TBC1D8: variants seen among roughly 807,000 people sequenced by gnomAD.
TBC1D8 encodes the protein BUB2-like protein 1.
In TBC1D8, 65 loss-of-function variants were observed where a neutral mutation model predicts 118.8. The observed-to-expected ratio is 0.55, with a 90% CI of 0.45 to 0.67. The LOEUF is 0.67. Among genes scored for constraint, TBC1D8 ranks in the 30% least tolerant of loss-of-function variants. TBC1D8 has a pLI of 0.00. For synonymous variants in TBC1D8, 566 were observed against 595.8 expected, an observed-to-expected ratio of 0.95 and a Z score of 0.73; for missense variants, 1,376 against 1,471.2, an observed-to-expected ratio of 0.94 and a Z score of 1.06.
At position 101,035,869 on chromosome 2, in the gene TBC1D8, A is replaced by T. The variant is rs537735940; in HGVS notation, c.1603+149T>A. Reference sequence around the variant, plus strand: ...AGGTCCCACAGCTGACACAACAGGGAGTGGAAGTCCTCAGCTGGGAAATCA... The same window carrying T: ...AGGTCCCACAGCTGACACAACAGGGTGTGGAAGTCCTCAGCTGGGAAATCA... On this transcript the variant is annotated intron_variant, in intron 9 of 19. Coordinates refer to ENST00000409318, the MANE Select transcript of TBC1D8 (RefSeq NM_001330348.2). 2.4e-5 allele frequency: 23 copies of T among 944,538 alleles called. No individual in the cohort carries two copies. In the East Asian group the frequency reaches 5.8e-4, roughly 24 times the overall value. The allele number at this position is 944,538 out of a possible 1,614,324, so 58.5% of individuals were successfully genotyped here. A position where few individuals can be genotyped will look rare whatever the true frequency, so the allele number is the denominator to read the frequency against.
In TBC1D8 at chr2:101,091,837, G is replaced by A. The variant is rs147354460; in HGVS notation, c.128-1473C>T. Among the ~76,000 whole-genome samples, 10 of 152,340 alleles carry A rather than the reference G, an allele frequency of 6.6e-5. No individual in the cohort carries two copies. The East Asian group carries it at 1.3e-3, about 21-fold the overall frequency. The stretch of plus-strand genomic sequence containing the variant: ...ATATTACCCTTAACTAATAGGCCCT[G>A]AATAAGGGCCACAGCTGCCTGAGCA... On this transcript the variant is annotated intron_variant, in intron 1 of 19. Transcript: ENST00000409318.
chr2:101,015,217 AG>A (rs1679533314), intron 17 of TBC1D8, among the ~76,000 whole-genome samples: 2 of 152,310 alleles, frequency 1.3e-5, no homozygotes, highest in African/African-American at 4.8e-5. Context: ...AATGTAGAAA[AG>A]GTGCTATAAA....
chr2:101,059,080 G>A (rs907850291), intron 3 of TBC1D8, among the ~76,000 whole-genome samples: 1 of 151,600 alleles, frequency 6.6e-6, no homozygotes, highest in Non-Finnish European at 1.5e-5. Flanking sequence ...AATTTTTTTT[G>A]TATTTTTTAG....
chr2:101,039,164 G>C (rs1314417873), intron 6 of TBC1D8, among the ~76,000 whole-genome samples: 1 of 152,176 alleles, frequency 6.6e-6, no homozygotes, highest in Non-Finnish European at 1.5e-5. Flanking sequence ...ACAGCAATGT[G>C]AATGTACTTA....
intron 15 of TBC1D8, among the ~76,000 whole-genome samples, chr2:101,025,083 A>T (rs769022798): frequency 6.6e-6 from 1 of 152,162 alleles, no homozygotes; most frequent in Non-Finnish European, 1.5e-5. Context: ...AAGAAAAGTA[A>T]GTGTGTGTGT....
intron 1 of TBC1D8, among the ~76,000 whole-genome samples, chr2:101,095,525 AG>A (rs1676362832): frequency 6.7e-6 from 1 of 150,068 alleles, no homozygotes; most frequent in Non-Finnish European, 1.5e-5. Context: ...TCCTTGCGAT[AG>A]TTTGCTGAGA....
intron 1 of TBC1D8, among the ~76,000 whole-genome samples, chr2:101,132,475 C>T (rs1166113093): frequency 1.3e-5 from 2 of 152,206 alleles, no homozygotes; most frequent in Non-Finnish European, 2.9e-5. Context: ...ATTGAGCTAC[C>T]ATGTCTTTTC....
intron 2 of TBC1D8, among the ~76,000 whole-genome samples, chr2:101,077,234 A>T (rs1674897356): frequency 6.9e-6 from 1 of 144,908 alleles, no homozygotes; most frequent in South Asian, 2.2e-4. Flanking sequence ...TGTGTTAGCC[A>T]GGATGGTCTT....
At chr2:101,043,185 G>A (rs776806060) in intron 5 of TBC1D8, among the ~76,000 whole-genome samples, 7 of 152,166 alleles carry the variant, frequency 4.6e-5, no homozygotes, top group South Asian at 2.1e-4. Context: ...CTGATACAAC[G>A]TGGACTACTG....
At chr2:101,041,036 T>G (rs939048002) in intron 5 of TBC1D8, among the ~76,000 whole-genome samples, 2 of 152,200 alleles carry the variant, frequency 1.3e-5, no homozygotes, top group African/African-American at 2.4e-5. Context: ...TCAAAAAGTT[T>G]GATAACAAGT....
intron 5 of TBC1D8, among the ~76,000 whole-genome samples, chr2:101,046,591 C>T (rs762603449): frequency 1.3e-5 from 2 of 151,866 alleles, no homozygotes; most frequent in African/African-American, 2.4e-5. Flanking sequence ...GAGGAGGACT[C>T]GAGCTAGAAT....
intron 5 of TBC1D8, among the ~76,000 whole-genome samples, chr2:101,048,655 AC>A (rs749334476): frequency 2.0e-4 from 14 of 71,238 alleles, no homozygotes; most frequent in Non-Finnish European, 1.6e-4. Flanking sequence ...GCTGCCGTTC[AC>A]AGGCCATGAA....
Position 101,007,505 on chromosome 2 carries a change from G to C in TBC1D8, c.*316C>G. 3.2e-6 allele frequency: 1 copy of C among 313,150 alleles called. No homozygotes were observed. The highest frequency in any genetic ancestry group is 2.1e-5 in the African/African-American group (1 of 47,022). 19.4% of individuals were successfully genotyped at this position (313,150 alleles called of 1,614,324 possible). A position where few individuals can be genotyped will look rare whatever the true frequency, so the allele number is the denominator to read the frequency against. ...TGGGGCTTTTCTTGCTTCTTGGTTA[G>C]TATGAGACATTGTGTTCATCTGAGA... On this transcript the variant is annotated 3_prime_UTR_variant, in exon 20 of 20. Coordinates refer to ENST00000409318, the MANE Select transcript of TBC1D8 (RefSeq NM_001330348.2).
chr2:101,082,336 A>G (rs1479810246), intron 2 of TBC1D8, among the ~76,000 whole-genome samples: 2 of 152,140 alleles, frequency 1.3e-5, no homozygotes, highest in Non-Finnish European at 2.9e-5. Context: ...ATGGCAATGA[A>G]GTCTCCTTGT....
chr2:101,013,140 A>G (rs1264203435), intron 17 of TBC1D8, among the ~76,000 whole-genome samples: 1 of 152,234 alleles, frequency 6.6e-6, no homozygotes, highest in Non-Finnish European at 1.5e-5. Flanking sequence ...GGAGGCAGGT[A>G]AAGTATTAAC....
At chr2:101,011,101 G>A in intron 18 of TBC1D8, 75 bp from the exon 19 acceptor site, 1 of 1,418,640 alleles carries the variant, frequency 7.0e-7, no homozygotes, top group Non-Finnish European at 9.8e-7. Context: ...CTATGTAGGA[G>A]AGAGGAGCAA....
chr2:101,085,372 C>G (rs557266922), intron 2 of TBC1D8, among the ~76,000 whole-genome samples: 5 of 152,110 alleles, frequency 3.3e-5, no homozygotes, highest in Admixed American at 2.0e-4. Context: ...GACAACTCCC[C>G]AGAAGCCAAC....
chr2:101,082,722 A>G (rs11678957), intron 2 of TBC1D8, among the ~76,000 whole-genome samples: 26,348 of 152,114 alleles, frequency 0.17, 2,354 homozygotes, highest in Middle Eastern at 0.25. Context: ...CCGAGTAGGC[A>G]AATTCCTAGA....
intron 17 of TBC1D8, among the ~76,000 whole-genome samples, chr2:101,012,013 T>G (rs72821050): frequency 0.1 from 15,224 of 152,240 alleles, 912 homozygotes; most frequent in Non-Finnish European, 0.13. Flanking sequence ...CTTTTAAAAG[T>G]TGAAGAAAAG....
Sources: gnomAD v4.1 joint callset for allele counts (sites outside exome capture counted in the v4.1 genomes callset) on GRCh38, gnomAD v4.1.1 for gene constraint, MANE v1.5 for transcripts, NCBI Gene and HGNC (gene_info 2026-07-23, HGNC 2026-07-21) for gene names.